Variants in TMEM40 observed in about 807,000 individuals in gnomAD.
TMEM40 encodes transmembrane protein 40.
In TMEM40, 34 loss-of-function variants were observed where a neutral mutation model predicts 40.8. The observed-to-expected ratio is 0.83, with a 90% CI of 0.63 to 1.11. The LOEUF (loss-of-function observed/expected upper bound fraction) is 1.11. TMEM40 is among the 50% of genes least tolerant of loss of function. TMEM40 has a pLI of 0.00. For missense variants in TMEM40, 296 were observed against 280.2 expected, an observed-to-expected ratio of 1.06 and a Z score of -0.40; for synonymous variants, 106 against 107.0, an observed-to-expected ratio of 0.99 and a Z score of 0.06.
intron 8 of TMEM40, chr3:12,737,427 T>C (rs969862984): frequency 1.9e-6 from 1 of 531,800 alleles, no homozygotes; most frequent in Non-Finnish European, 3.3e-6. Context: ...CTAGTGACTG[T>C]GCATAGCAGA....
intron 3 of TMEM40, among the ~76,000 whole-genome samples, chr3:12,748,223 C>T (rs1415236129): frequency 1.3e-5 from 2 of 152,280 alleles, no homozygotes; most frequent in South Asian, 4.1e-4. Context: ...GGCACTGAGG[C>T]GCCAGGGGTT....
chr3:12,762,057 G>T (rs1280956019), upstream of TMEM40, among the ~76,000 whole-genome samples: 1 of 151,984 alleles, frequency 6.6e-6, no homozygotes, highest in African/African-American at 2.4e-5. Flanking sequence ...CCTTGAAATG[G>T]GCTCGAGTGA....
At chr3:12,756,811 C>A (rs1398698728) in intron 1 of TMEM40, among the ~76,000 whole-genome samples, 3 of 151,720 alleles carry the variant, frequency 2.0e-5, no homozygotes, top group Non-Finnish European at 2.9e-5. Flanking sequence ...CTCTCTCTCT[C>A]ACACACACAC....
At chr3:12,740,320 C>A (rs1369001506) in intron 5 of TMEM40, among the ~76,000 whole-genome samples, 1 of 150,028 alleles carries the variant, frequency 6.7e-6, no homozygotes, top group Non-Finnish European at 1.5e-5. Flanking sequence ...GAACTCCCAA[C>A]CTCAAGTGAT....
rs868331512 is a variant in TMEM40 at position 12,749,129 on chromosome 3, A to G, written c.74-337T>C. ...AAGCTCTGCCTCTCGGGTTCATGCC[A>G]TTCTCCTGCCTCAGCCTCCTGAGTA... On this transcript the variant is annotated intron_variant, in intron 2 of 11. Transcript: ENST00000314124. Among the ~76,000 whole-genome samples, 139 of 151,364 alleles carry G rather than the reference A, an allele frequency of 9.2e-4. No individual in the cohort carries two copies. The Middle Eastern group carries it at 0.021, about 22-fold the overall frequency.
chr3:12,753,737 G>A (rs777041266), intron 1 of TMEM40, among the ~76,000 whole-genome samples: 30 of 152,202 alleles, frequency 2.0e-4, no homozygotes, highest in Non-Finnish European at 2.9e-4. Flanking sequence ...TGGAATGCCT[G>A]ACTTTCTGGC....
chr3:12,736,443 C>T (rs1333004333), intron 10 of TMEM40, 135 bp downstream of exon 10: 10 of 1,117,196 alleles, frequency 9.0e-6, no homozygotes, highest in South Asian at 3.1e-5. Flanking sequence ...AGCCACCGCG[C>T]CTGGCCAGAA....
In TMEM40 at chr3:12,734,762, C is replaced by A; in HGVS notation, c.*12G>T. The A allele has an allele frequency of 6.3e-7, 1 of 1,594,570 alleles. No homozygotes were observed. The highest frequency in any genetic ancestry group is 2.3e-5 in the East Asian group (1 of 43,694). On this transcript the variant is annotated 3_prime_UTR_variant, in exon 12 of 12. Coordinates refer to ENST00000314124, the MANE Select transcript of TMEM40 (RefSeq NM_018306.4). ...ACTGGGGCCTGCCTCTGCTGCCCAC[C>A]TGGAAGTGGCCTCAGTCAGTCTTCC...
At chr3:12,742,539 C>A in intron 4 of TMEM40, 32 bp from the exon 5 acceptor site, 1 of 1,611,092 alleles carries the variant, frequency 6.2e-7, no homozygotes, top group Non-Finnish European at 8.5e-7. Flanking sequence ...AGTCAGCACT[C>A]CCCAAACACA....
chr3:12,758,928 G>A (rs1308638130), intron 1 of TMEM40, among the ~76,000 whole-genome samples: 1 of 152,168 alleles, frequency 6.6e-6, no homozygotes, highest in African/African-American at 2.4e-5. Flanking sequence ...GCAAGTTGGT[G>A]ACAGAATTGG....
At position 12,753,217 on chromosome 3, in the gene TMEM40, T is replaced by TC. The variant is rs1559532141; in HGVS notation, c.-8-3378_-8-3377insG. Among the ~76,000 whole-genome samples the TC allele has an allele frequency of 4.0e-3, 527 of 131,528 alleles. 2 individuals carry two copies. Among genetic ancestry groups the TC allele is most frequent in the African/African-American group, 0.015 (501 of 34,514 alleles). 86.3% of individuals were successfully genotyped at this position (131,528 alleles called of 152,430 possible). Reference sequence around the variant, plus strand: ...TTTCTTTCTTTCTTTCTTTCTTTTTTTTTTTTTTTTTTTTTTTTTGAGACA... The same window carrying TC: ...TTTCTTTCTTTCTTTCTTTCTTTTTTCTTTTTTTTTTTTTTTTTTTGAGACA... On this transcript the variant is annotated intron_variant, in intron 1 of 11. Transcript: ENST00000314124.
At chr3:12,756,094 T>C (rs181220012) in intron 1 of TMEM40, among the ~76,000 whole-genome samples, 1 of 152,294 alleles carries the variant, frequency 6.6e-6, no homozygotes, top group African/African-American at 2.4e-5. Flanking sequence ...TCCTGTGTAT[T>C]TGAGTTCCTG....
chr3:12,754,361 G>A (rs1048953684), intron 1 of TMEM40, among the ~76,000 whole-genome samples: 1 of 152,158 alleles, frequency 6.6e-6, no homozygotes, highest in Non-Finnish European at 1.5e-5. Context: ...TGTACAGAAA[G>A]AGGATGGTTG....
In TMEM40 at chr3:12,753,120, C is replaced by T. The variant is rs1209990010; in HGVS notation, c.-8-3280G>A. On this transcript the variant is annotated intron_variant, in intron 1 of 11. Coordinates refer to ENST00000314124, the MANE Select transcript of TMEM40 (RefSeq NM_018306.4). Reference sequence around the variant, plus strand: ...AATGGAACCATCACCGGGGGAAGACCCGATGTGGCTCTGTTTCTCCTTTCA... The same window carrying T: ...AATGGAACCATCACCGGGGGAAGACTCGATGTGGCTCTGTTTCTCCTTTCA... 6.6e-5 allele frequency among the ~76,000 whole-genome samples: 10 copies of T among 152,202 alleles called. 2 individuals are homozygous for T. Among genetic ancestry groups the T allele is most frequent in the Admixed American group, 6.5e-4 (10 of 15,274 alleles).
chr3:12,754,268 C>A (rs2061501912), intron 1 of TMEM40, among the ~76,000 whole-genome samples: 1 of 152,158 alleles, frequency 6.6e-6, no homozygotes, highest in Non-Finnish European at 1.5e-5. Flanking sequence ...GCCGAGACCG[C>A]ACCACTGCAC....
chr3:12,759,317 C>G (rs1019425575), upstream of TMEM40: 2 of 152,464 alleles, frequency 1.3e-5, no homozygotes, highest in African/African-American at 4.8e-5. Context: ...ACTACCGTGA[C>G]GTTGTCCCTG....
At chr3:12,755,233 C>CTCTTTCTCTCTT (rs2061516317) in intron 1 of TMEM40, among the ~76,000 whole-genome samples, 2 of 59,886 alleles carry the variant, frequency 3.3e-5, no homozygotes, top group South Asian at 4.9e-4. Context: ...CTCTCTCTCT[C>CTCTTTCTCTCTT]TCTTTCTTTC....
intron 3 of TMEM40, among the ~76,000 whole-genome samples, chr3:12,745,226 A>ATTTTTTTTTT (rs144839288): frequency 6.3e-5 from 8 of 127,142 alleles, no homozygotes; most frequent in Admixed American, 1.6e-4. Flanking sequence ...CACCTGGCTA[A>ATTTTTTTTTT]TTTTTTTTTT....
intron 1 of TMEM40, among the ~76,000 whole-genome samples, chr3:12,754,228 C>T (rs1013974729): frequency 5.9e-5 from 9 of 152,224 alleles, no homozygotes; most frequent in South Asian, 2.1e-4. Flanking sequence ...AGGAGAATGG[C>T]GTGAACCCGG....
Sources: allele counts gnomAD v4.1 joint callset (sites outside exome capture counted in the v4.1 genomes callset), GRCh38; gene constraint gnomAD v4.1.1; transcripts MANE v1.5; gene names NCBI Gene and HGNC (gene_info 2026-07-23, HGNC 2026-07-21).